CNTN6: variants seen among roughly 807,000 people sequenced by gnomAD.
The protein encoded by CNTN6 is contactin-6.
In CNTN6, 137 loss-of-function variants were observed where a neutral mutation model predicts 122.8. The observed-to-expected ratio is 1.12, with a 90% CI of 0.97 to 1.29. CNTN6 has a LOEUF of 1.29. Ranked by LOEUF, CNTN6 falls within the 50% of genes most tolerant of loss-of-function variation. CNTN6 has a pLI of 0.00. For missense variants in CNTN6, 1,634 were observed against 1,223.4 expected (o/e 1.34, Z -5.01); for synonymous variants, 570 against 426.0 (o/e 1.34, Z -4.16).
At chr3:1,140,043 T>G (rs1012125496) in intron 1 of CNTN6, among the ~76,000 whole-genome samples, 1 of 152,236 alleles carries the variant, frequency 6.6e-6, no homozygotes, top group Non-Finnish European at 1.5e-5. Flanking sequence ...ACCCACTTAT[T>G]TCTCCTTCTG....
At chr3:1,319,826 G>A (rs1700594010) in intron 7 of CNTN6, among the ~76,000 whole-genome samples, 1 of 62,020 alleles carries the variant, frequency 1.6e-5, no homozygotes, top group Non-Finnish European at 2.9e-5. Context: ...GAAATAAACA[G>A]AGAGCAGAAA....
chr3:1,236,687 C>T (rs2094426685), intron 4 of CNTN6, among the ~76,000 whole-genome samples: 1 of 152,160 alleles, frequency 6.6e-6, no homozygotes, highest in African/African-American at 2.4e-5. Flanking sequence ...TCAACTCCCC[C>T]AAAAGATTAT....
At chr3:1,321,017 A>G (rs566459781) in intron 7 of CNTN6, among the ~76,000 whole-genome samples, 117 of 151,708 alleles carry the variant, frequency 7.7e-4, no homozygotes, top group African/African-American at 2.7e-3. Flanking sequence ...TTTAAATCGT[A>G]TATAAATGAG....
At chr3:1,094,184 CTT>C (rs2090393944) in intron 1 of CNTN6, among the ~76,000 whole-genome samples, 1 of 152,088 alleles carries the variant, frequency 6.6e-6, no homozygotes, top group Admixed American at 6.6e-5. Context: ...GGTTTATCAT[CTT>C]TTTATTTTTG....
chr3:1,197,759 C>T (rs2093799153), intron 2 of CNTN6, among the ~76,000 whole-genome samples: 1 of 152,096 alleles, frequency 6.6e-6, no homozygotes, highest in Non-Finnish European at 1.5e-5. Flanking sequence ...ATATTAAAGC[C>T]TACAGGGACA....
chr3:1,304,611 A>G (rs775319799), intron 7 of CNTN6, among the ~76,000 whole-genome samples: 78 of 152,198 alleles, frequency 5.1e-4, no homozygotes, highest in Non-Finnish European at 7.2e-4. Flanking sequence ...TGCTTTATCT[A>G]GGGAATGGAA....
intron 1 of CNTN6, among the ~76,000 whole-genome samples, chr3:1,101,461 G>A (rs1050167194): frequency 6.6e-6 from 1 of 152,130 alleles, no homozygotes; most frequent in South Asian, 2.1e-4. Context: ...GCATGGTGCC[G>A]TGTACTTCCC....
chr3:1,382,378 T>C (rs987981805), intron 17 of CNTN6, among the ~76,000 whole-genome samples: 1 of 152,178 alleles, frequency 6.6e-6, no homozygotes, highest in Non-Finnish European at 1.5e-5. Flanking sequence ...GTTTATTCTT[T>C]CATGTGAGGA....
chr3:1,253,973 G>A lies in CNTN6; in HGVS notation c.359-24440G>A, dbSNP rs540332998. On this transcript the variant is annotated intron_variant, in intron 4 of 22. Transcript: ENST00000446702. Reference sequence around the variant, plus strand: ...TTTGCATGTGCTTACATGTCTCTGCGCACACACATAAATTTATATAAATGG... The same window carrying A: ...TTTGCATGTGCTTACATGTCTCTGCACACACACATAAATTTATATAAATGG... Among the ~76,000 whole-genome samples, 26 of 152,116 alleles carry A rather than the reference G, an allele frequency of 1.7e-4. 1 individual carries two copies. In the South Asian group the frequency reaches 3.3e-3, roughly 19 times the overall value.
intron 7 of CNTN6, among the ~76,000 whole-genome samples, chr3:1,306,177 A>G (rs1010496765): frequency 6.6e-6 from 1 of 152,202 alleles, no homozygotes; most frequent in African/African-American, 2.4e-5. Context: ...AGTTGAGCAG[A>G]TAGAGAACAG....
At chr3:1,105,766 C>T (rs902278182) in intron 1 of CNTN6, among the ~76,000 whole-genome samples, 7 of 152,070 alleles carry the variant, frequency 4.6e-5, no homozygotes, top group East Asian at 1.9e-4. Flanking sequence ...TTTTTACCTC[C>T]GGCACCTAGC....
chr3:1,182,193 G>T lies in CNTN6; in HGVS notation c.55+34130G>T, dbSNP rs960425033. 2.6e-5 allele frequency among the ~76,000 whole-genome samples: 4 copies of T among 152,082 alleles called. No individual in the cohort carries two copies. The East Asian group carries it at 7.7e-4, about 29-fold the overall frequency. On this transcript the variant is annotated intron_variant, in intron 2 of 22. Coordinates refer to ENST00000446702, the MANE Select transcript of CNTN6 (RefSeq NM_001289080.2). ...GGAATTGTGGAAGAATCTACTCACT[G>T]TTTTGTCCCAATATCCAAGGGAGAA...
intron 5 of CNTN6, among the ~76,000 whole-genome samples, chr3:1,281,041 A>G (rs924517473): frequency 1.3e-5 from 2 of 152,166 alleles, no homozygotes; most frequent in Admixed American, 6.5e-5. Flanking sequence ...CCTGATACAG[A>G]TCATGCCCAC....
chr3:1,116,573 TATGG>T (rs2091727062), intron 1 of CNTN6, among the ~76,000 whole-genome samples: 1 of 151,848 alleles, frequency 6.6e-6, no homozygotes, highest in South Asian at 2.1e-4. Context: ...GAATATGGAA[TATGG>T]ATGGAAAGAA....
chr3:1,400,709 A>T (rs1695574213), intron 20 of CNTN6, among the ~76,000 whole-genome samples: 1 of 152,108 alleles, frequency 6.6e-6, no homozygotes, highest in Non-Finnish European at 1.5e-5. Context: ...GGGGAACTCA[A>T]ACTTGGACTA....
At position 1,374,045 on chromosome 3, in the gene CNTN6, A is replaced by C; in HGVS notation, c.2067A>C (p.Pro689=). The change falls in exon 16 of 23, where the codon CCA becomes CCC. Residue 689 remains proline (P), a synonymous_variant. Coordinates refer to ENST00000446702, the MANE Select transcript of CNTN6 (RefSeq NM_001289080.2). The part of the protein sequence containing the change: ...NSIGIGEPSE[P]SELLRTKASV... ...TTGGGATTGGAGAACCAAGTGAACC[A>C]TCAGAATTGTTAAGAACTAAAGCAT... 4 of 1,612,916 alleles carry C rather than the reference A, an allele frequency of 2.5e-6. No individual in the cohort carries two copies. Among genetic ancestry groups the C allele is most frequent in the Non-Finnish European group, 3.4e-6 (4 of 1,179,138 alleles).
chr3:1,226,463 CT>C (rs912585620), intron 3 of CNTN6, among the ~76,000 whole-genome samples: 1 of 152,176 alleles, frequency 6.6e-6, no homozygotes, highest in Non-Finnish European at 1.5e-5. Context: ...CCTCACTCTT[CT>C]TCTCTGAAGC....
intron 5 of CNTN6, among the ~76,000 whole-genome samples, chr3:1,287,864 C>A (rs930413122): frequency 6.6e-6 from 1 of 152,294 alleles, no homozygotes; most frequent in Middle Eastern, 3.4e-3. Flanking sequence ...CCTCCTCTTT[C>A]CCAGAAAACT....
At chr3:1,370,239 TTTATTA>T (rs1708823807) in intron 12 of CNTN6, among the ~76,000 whole-genome samples, 1 of 151,920 alleles carries the variant, frequency 6.6e-6, no homozygotes. Flanking sequence ...TTTTTTTAAT[TTTATTA>T]TTAGTATACT....
Sources: gnomAD v4.1 joint callset for allele counts (sites outside exome capture counted in the v4.1 genomes callset) on GRCh38, gnomAD v4.1.1 for gene constraint, MANE v1.5 for transcripts, NCBI Gene and HGNC (gene_info 2026-07-23, HGNC 2026-07-21) for gene names.